Variants in ZNF276 observed in about 807,000 individuals in gnomAD.
The protein encoded by ZNF276 is centromere protein Z.
Under a neutral mutation model 63.9 loss-of-function variants are expected in ZNF276, and 59 were observed. The ratio of observed to expected loss-of-function variants is 0.92; its 90% CI spans 0.75 to 1.15. The LOEUF is 1.15. Ranked by LOEUF, ZNF276 falls within the 50% of genes most tolerant of loss-of-function variation. The pLI is 0.00. For synonymous variants in ZNF276, 496 were observed against 348.4 expected, an observed-to-expected ratio of 1.42 and a Z score of -4.72; for missense variants, 1,084 against 843.8, an observed-to-expected ratio of 1.28 and a Z score of -3.53.
chr16:89,738,888 C>T lies in ZNF276; in HGVS notation c.*642C>T. 1 of 1,614,230 alleles carries T rather than the reference C, an allele frequency of 6.2e-7. No individual in the cohort carries two copies. The highest frequency in any genetic ancestry group is 1.7e-5 in the Admixed American group (1 of 60,030). On this transcript the variant is annotated 3_prime_UTR_variant, in exon 11 of 11. Transcript: ENST00000443381. ...GTGGGCATCTTGACGTTACCTCTGCCACGTGTGAGAAGCTCTTTTTCGGGC... is the reference window on the plus strand; with the variant it reads ...GTGGGCATCTTGACGTTACCTCTGCTACGTGTGAGAAGCTCTTTTTCGGGC...
At chr16:89,735,091 C>A (rs2061810702) in intron 9 of ZNF276, among the ~76,000 whole-genome samples, 1 of 152,106 alleles carries the variant, frequency 6.6e-6, no homozygotes, top group Admixed American at 6.6e-5. Flanking sequence ...CGAGATCACA[C>A]CACTGCACTC....
Position 89,738,980 on chromosome 16 carries a change from G to A in ZNF276, c.*734G>A, listed in dbSNP as rs760223551. The A allele has an allele frequency of 2.5e-6, 4 of 1,614,242 alleles. No individual in the cohort carries two copies. The South Asian group carries it at 3.3e-5, about 13-fold the overall frequency. ...ATCAGTTCCACGGGGTTGCCCTAGAGAGAAAACAGGCAAACTCACAGGTTA... is the reference window on the plus strand; with the variant it reads ...ATCAGTTCCACGGGGTTGCCCTAGAAAGAAAACAGGCAAACTCACAGGTTA... On this transcript the variant is annotated 3_prime_UTR_variant, in exon 11 of 11. Transcript: ENST00000443381.
intron 2 of ZNF276, 125 bp from the exon 3 acceptor site, chr16:89,723,012 G>C: frequency 6.3e-7 from 1 of 1,595,516 alleles, no homozygotes; most frequent in Non-Finnish European, 8.5e-7. Flanking sequence ...GAGGAGCTGG[G>C]GTGAGGGAAG....
At chr16:89,733,150 C>A (rs1037995757) in intron 6 of ZNF276, 152 bp from the exon 7 acceptor site, 15 of 727,872 alleles carry the variant, frequency 2.1e-5, no homozygotes, top group Non-Finnish European at 3.5e-5. Context: ...GTTGCTCTGG[C>A]TTTGGTGGCT....
intron 9 of ZNF276, among the ~76,000 whole-genome samples, chr16:89,734,655 G>A (rs2151695726): frequency 6.6e-6 from 1 of 152,288 alleles, no homozygotes; most frequent in Middle Eastern, 3.4e-3. Context: ...CAGAAGGCAT[G>A]AAGGCACACC....
chr16:89,735,059 G>A (rs551585255), intron 9 of ZNF276, among the ~76,000 whole-genome samples: 21 of 134,072 alleles, frequency 1.6e-4, no homozygotes, highest in African/African-American at 3.5e-4. Context: ...CTTGGGAGGC[G>A]GAGGTGGAGG....
chr16:89,730,539 A>C (rs1047673987), intron 6 of ZNF276, among the ~76,000 whole-genome samples: 1 of 152,192 alleles, frequency 6.6e-6, no homozygotes, highest in Admixed American at 6.5e-5. Context: ...CAGGGACAGC[A>C]CACTCAGACT....
intron 9 of ZNF276, among the ~76,000 whole-genome samples, chr16:89,736,642 TA>T (rs986579454): frequency 4.0e-5 from 6 of 151,742 alleles, no homozygotes; most frequent in Non-Finnish European, 8.8e-5. Context: ...CCAAATTTTT[TA>T]AATTACCTGG....
At chr16:89,727,394 T>C (rs1342910114) in intron 5 of ZNF276, 37 bp downstream of exon 5, 1 of 1,601,254 alleles carries the variant, frequency 6.2e-7, no homozygotes, top group Non-Finnish European at 8.5e-7. Context: ...CTAAAATTTC[T>C]CCTTCAAAAA....
At chr16:89,733,245 A>G in intron 6 of ZNF276, 57 bp from the exon 7 acceptor site, 1 of 1,523,712 alleles carries the variant, frequency 6.6e-7, no homozygotes, top group Non-Finnish European at 9.0e-7. Flanking sequence ...GAGAGACAAA[A>G]AACATTTTGC....
intron 4 of ZNF276, among the ~76,000 whole-genome samples, chr16:89,724,940 C>T (rs575645789): frequency 9.9e-5 from 15 of 152,172 alleles, no homozygotes; most frequent in Non-Finnish European, 1.5e-4. Context: ...ACTTATCTAT[C>T]TATCTATGTG....
chr16:89,730,200 G>A (rs752568803), intron 6 of ZNF276, among the ~76,000 whole-genome samples: 1 of 152,228 alleles, frequency 6.6e-6, no homozygotes, highest in African/African-American at 2.4e-5. Context: ...CTGAGCCAGA[G>A]GGGCTGCAGC....
intron 5 of ZNF276, 43 bp downstream of exon 5, chr16:89,727,400 A>G: frequency 6.3e-7 from 1 of 1,594,988 alleles, no homozygotes; most frequent in Non-Finnish European, 8.6e-7. Context: ...TTTCTCCTTC[A>G]AAAACCATCA....
chr16:89,739,677 A>C lies in ZNF276; in HGVS notation c.*1431A>C. 1 of 1,516,690 alleles carries C rather than the reference A, an allele frequency of 6.6e-7. No homozygotes were observed. The highest frequency in any genetic ancestry group is 8.9e-7 in the Non-Finnish European group (1 of 1,122,962). The allele number at this position is 1,516,690 out of a possible 1,614,324, so 94.0% of individuals were successfully genotyped here. On this transcript the variant is annotated 3_prime_UTR_variant, in exon 11 of 11. Transcript: ENST00000443381. ...CTGGCTGTGGGGATAGTGTGGGGCG[A>C]ACAGCCTGAGCTGAGGATACCCAGG...
rs376523966 is a variant in ZNF276 at position 89,739,538 on chromosome 16, C to T, written c.*1292C>T. On this transcript the variant is annotated 3_prime_UTR_variant, in exon 11 of 11. Coordinates refer to ENST00000443381, the MANE Select transcript of ZNF276 (RefSeq NM_001113525.2). ...ATCCGGGGCCACACGGAGGAGGAGCCGCCCCAGCCTGAGGTCTGCAACACC... is the reference window on the plus strand; with the variant it reads ...ATCCGGGGCCACACGGAGGAGGAGCTGCCCCAGCCTGAGGTCTGCAACACC... 315 of 1,551,180 alleles carry T rather than the reference C, an allele frequency of 2.0e-4. No individual in the cohort carries two copies. Among genetic ancestry groups the T allele is most frequent in the South Asian group, 2.7e-4 (23 of 84,068 alleles).
In ZNF276 at chr16:89,740,042, C is replaced by T. The variant is rs2062089205; in HGVS notation, c.*1796C>T. On this transcript the variant is annotated 3_prime_UTR_variant, in exon 11 of 11. Coordinates refer to ENST00000443381, the MANE Select transcript of ZNF276 (RefSeq NM_001113525.2). ...GCCAGCCAGGATATCTTCCTCTTCT[C>T]TAAACACTCGAGGATTGCTGCACAA... 6.2e-7 allele frequency: 1 copy of T among 1,614,208 alleles called. No individual in the cohort carries two copies. Among genetic ancestry groups the T allele is most frequent in the Non-Finnish European group, 8.5e-7 (1 of 1,180,040 alleles).
At position 89,733,298 on chromosome 16, in the gene ZNF276, T is replaced by C. The variant is rs1567579796; in HGVS notation, c.1170-4T>C. On this transcript the variant is annotated splice_region_variant and splice_polypyrimidine_tract_variant and intron_variant, in intron 6 of 10. Coordinates refer to ENST00000443381, the MANE Select transcript of ZNF276 (RefSeq NM_001113525.2). Reference sequence around the variant, plus strand: ...CATTGAATTTGGGAACCTCTTTTTTTCAGAGTCTCTGGTAAGAAGAGTGAA... The same window carrying C: ...CATTGAATTTGGGAACCTCTTTTTTCCAGAGTCTCTGGTAAGAAGAGTGAA... 1.9e-6 allele frequency: 3 copies of C among 1,610,394 alleles called. No individual in the cohort carries two copies. Among genetic ancestry groups the C allele is most frequent in the Non-Finnish European group, 2.5e-6 (3 of 1,178,966 alleles).
rs1283622769 is a variant in ZNF276 at position 89,722,848 on chromosome 16, T to G, written c.509+14T>G. On this transcript the variant is annotated intron_variant, in intron 2 of 10. Transcript: ENST00000443381. Reference sequence around the variant, plus strand: ...GCCTTGTGCAAAGTACGCCCTAGTCTGTTCAGAGCACGTTCAGGCTGTCAG... The same window carrying G: ...GCCTTGTGCAAAGTACGCCCTAGTCGGTTCAGAGCACGTTCAGGCTGTCAG... 4.4e-6 allele frequency: 7 copies of G among 1,596,108 alleles called. No homozygotes were observed. Among genetic ancestry groups the G allele is most frequent in the Non-Finnish European group, 5.9e-6 (7 of 1,176,744 alleles).
intron 9 of ZNF276, 64 bp from the exon 10 acceptor site, chr16:89,737,739 GTCA>G: frequency 6.2e-7 from 1 of 1,605,754 alleles, no homozygotes; most frequent in Non-Finnish European, 8.5e-7. Context: ...GTTTCACATT[GTCA>G]TCGTCGTCCC....
Sources: gnomAD v4.1 joint callset for allele counts (sites outside exome capture counted in the v4.1 genomes callset) on GRCh38, gnomAD v4.1.1 for gene constraint, MANE v1.5 for transcripts, NCBI Gene and HGNC (gene_info 2026-07-23, HGNC 2026-07-21) for gene names.